Variants in KAZN observed in about 807,000 individuals in gnomAD.
KAZN encodes kazrin.
KAZN carries 40 observed loss-of-function variants against 87.4 expected under a neutral mutation model. The observed-to-expected ratio is 0.46, with a 90% CI of 0.36 to 0.60. The LOEUF is 0.60. KAZN is among the 20% of genes least tolerant of loss of function. The pLI is 0.00. For synonymous variants in KAZN, 466 were observed against 458.3 expected (o/e 1.02, Z -0.22); for missense variants, 898 against 1,073.9 (o/e 0.84, Z 2.29).
intron 2 of KAZN, among the ~76,000 whole-genome samples, chr1:15,012,299 A>G (rs1190237590): frequency 6.6e-6 from 1 of 152,102 alleles, no homozygotes; most frequent in East Asian, 1.9e-4. Context: ...CTCCCAGAAG[A>G]AACTTCCGCT....
intron 2 of KAZN, among the ~76,000 whole-genome samples, chr1:14,562,624 T>C (rs1359935433): frequency 6.6e-6 from 1 of 152,210 alleles, no homozygotes; most frequent in Non-Finnish European, 1.5e-5. Flanking sequence ...CTCTCCAGTC[T>C]TGTGGGTGGT....
chr1:14,642,062 G>A (rs752599337), intron 1 of KAZN, among the ~76,000 whole-genome samples: 2 of 152,182 alleles, frequency 1.3e-5, no homozygotes, highest in Non-Finnish European at 1.5e-5. Flanking sequence ...AAAGAAGCTC[G>A]AAAAGATGCC....
intron 2 of KAZN, among the ~76,000 whole-genome samples, chr1:14,467,332 TAAA>T (rs553802717): frequency 6.9e-6 from 1 of 145,406 alleles, no homozygotes; most frequent in Non-Finnish European, 1.5e-5. Flanking sequence ...AAATATATTA[TAAA>T]AAAAAAACAA....
chr1:14,388,670 CT>C (rs1340885955), intron 2 of KAZN, among the ~76,000 whole-genome samples: 2 of 152,202 alleles, frequency 1.3e-5, no homozygotes, highest in South Asian at 4.2e-4. Context: ...AACTAGACCC[CT>C]ATCTCTAAAA....
chr1:14,397,761 T>G (rs1449919468), intron 2 of KAZN, among the ~76,000 whole-genome samples: 2 of 148,838 alleles, frequency 1.3e-5, no homozygotes, highest in Non-Finnish European at 3.0e-5. Flanking sequence ...CTTGGGAGGC[T>G]GAGATAGGAG....
rs576037602 is a variant in KAZN at position 14,789,274 on chromosome 1, C to T, written c.227-171410C>T. ...CTTACTGCTTAAAACTAGAGCCATC[C>T]CAGAGTCAGGGAAGAACACATGTGA... On this transcript the variant is annotated intron_variant, in intron 1 of 14. Transcript: ENST00000376030. Among the ~76,000 whole-genome samples, 30 of 152,172 alleles carry T rather than the reference C, an allele frequency of 2.0e-4. 2 individuals are homozygous for T. In the South Asian group the frequency reaches 5.6e-3, roughly 28 times the overall value.
At chr1:14,017,956 C>G (rs1471289858) in intron 1 of KAZN, among the ~76,000 whole-genome samples, 1 of 152,090 alleles carries the variant, frequency 6.6e-6, no homozygotes, top group Non-Finnish European at 1.5e-5. Context: ...TAACAGCTGA[C>G]GTTTACTAAG....
intron 1 of KAZN, among the ~76,000 whole-genome samples, chr1:13,982,649 G>A (rs753423202): frequency 5.3e-5 from 8 of 152,188 alleles, no homozygotes; most frequent in Non-Finnish European, 1.0e-4. Flanking sequence ...TTGACAGGGC[G>A]CTGATTGGTG....
intron 2 of KAZN, among the ~76,000 whole-genome samples, chr1:14,323,235 AG>A (rs1656172991): frequency 6.6e-6 from 1 of 151,934 alleles, no homozygotes; most frequent in Admixed American, 6.6e-5. Context: ...GCTTTGGCTA[AG>A]AAGTACTTCT....
At chr1:14,355,261 A>T (rs570031433) in intron 2 of KAZN, among the ~76,000 whole-genome samples, 6 of 152,282 alleles carry the variant, frequency 3.9e-5, no homozygotes, top group Admixed American at 2.6e-4. Flanking sequence ...ATCAAAATTG[A>T]TCTTTTGTCA....
intron 1 of KAZN, among the ~76,000 whole-genome samples, chr1:14,671,373 G>T (rs1290851318): frequency 2.6e-5 from 4 of 152,232 alleles, no homozygotes; most frequent in Admixed American, 6.5e-5. Context: ...GTAAATGAAT[G>T]AGTGAATGGC....
intron 4 of KAZN, among the ~76,000 whole-genome samples, chr1:15,045,974 A>G (rs941706401): frequency 3.3e-5 from 5 of 152,204 alleles, no homozygotes; most frequent in African/African-American, 1.2e-4. Flanking sequence ...TATTCTTTGA[A>G]TAAAGTAAGC....
chr1:14,847,014 G>A lies in KAZN; in HGVS notation c.227-113670G>A, dbSNP rs542532671. On this transcript the variant is annotated intron_variant, in intron 1 of 14. Coordinates refer to ENST00000376030, the MANE Select transcript of KAZN (RefSeq NM_201628.3). Reference sequence around the variant, plus strand: ...TTTACAACCTGCTCTAAGTCACAGCGAGAAGTAGGCTCAGGGAATGTAAAG... The same window carrying A: ...TTTACAACCTGCTCTAAGTCACAGCAAGAAGTAGGCTCAGGGAATGTAAAG... 9.4e-4 allele frequency among the ~76,000 whole-genome samples: 143 copies of A among 152,312 alleles called. 2 individuals carry two copies. Among genetic ancestry groups the A allele is most frequent in the African/African-American group, 3.2e-3 (133 of 41,580 alleles).
chr1:14,651,423 T>G (rs1045997313), intron 1 of KAZN, among the ~76,000 whole-genome samples: 4 of 152,176 alleles, frequency 2.6e-5, no homozygotes, highest in Non-Finnish European at 5.9e-5. Flanking sequence ...TCCCTGGTAT[T>G]TAGCAGGGAT....
At chr1:14,739,733 G>T (rs1644027664) in intron 1 of KAZN, among the ~76,000 whole-genome samples, 1 of 151,878 alleles carries the variant, frequency 6.6e-6, no homozygotes, top group Admixed American at 6.6e-5. Flanking sequence ...AGTCAGCCCA[G>T]CCAAAGGAAT....
At chr1:14,728,648 A>G (rs1261816178) in intron 1 of KAZN, among the ~76,000 whole-genome samples, 1 of 152,126 alleles carries the variant, frequency 6.6e-6, no homozygotes, top group African/African-American at 2.4e-5. Flanking sequence ...GGCTTCCCGT[A>G]TTGGAGGCTT....
chr1:14,546,028 C>T (rs767634843), intron 2 of KAZN, among the ~76,000 whole-genome samples: 28 of 152,136 alleles, frequency 1.8e-4, no homozygotes, highest in Non-Finnish European at 1.6e-4. Flanking sequence ...ACCAGAGCTA[C>T]TTGATATCAT....
intron 1 of KAZN, among the ~76,000 whole-genome samples, chr1:13,938,804 C>G (rs568359925): frequency 1.3e-5 from 2 of 152,366 alleles, no homozygotes; most frequent in African/African-American, 4.8e-5. Context: ...CCTTCACTCT[C>G]TGTGTGCCTG....
intron 2 of KAZN, among the ~76,000 whole-genome samples, chr1:14,280,894 A>G (rs548509839): frequency 1.3e-5 from 2 of 152,146 alleles, no homozygotes; most frequent in South Asian, 4.1e-4. Context: ...TATGATTCCT[A>G]TTTTACAGAG....
Sources: gnomAD v4.1 joint callset for allele counts (sites outside exome capture counted in the v4.1 genomes callset) on GRCh38, gnomAD v4.1.1 for gene constraint, MANE v1.5 for transcripts, NCBI Gene and HGNC (gene_info 2026-07-23, HGNC 2026-07-21) for gene names.